The following RPTOR variants were observed in gnomAD, a reference collection of about 807,000 sequenced individuals.
RPTOR encodes the protein regulatory associated protein of MTOR complex 1.
RPTOR carries 21 observed loss-of-function variants against 169.9 expected under a neutral mutation model. That is an observed-to-expected ratio of 0.12 (90% CI 0.09 to 0.18). RPTOR has a LOEUF of 0.18. Ranked by LOEUF, RPTOR falls within the 10% of genes least tolerant of loss-of-function variation. RPTOR has a pLI of 1.00. For synonymous variants in RPTOR, 732 were observed against 753.2 expected (o/e 0.97, Z 0.46); for missense variants, 1,133 against 1,855.9 (o/e 0.61, Z 7.16).
intron 6 of RPTOR, among the ~76,000 whole-genome samples, chr17:80,785,207 C>T (rs1487215156): frequency 6.6e-6 from 1 of 152,168 alleles, no homozygotes; most frequent in Non-Finnish European, 1.5e-5. Context: ...CACCTACAGC[C>T]TCTCTGTCCC....
chr17:80,852,670 G>A (rs1365541410), intron 11 of RPTOR, among the ~76,000 whole-genome samples: 1 of 152,002 alleles, frequency 6.6e-6, no homozygotes, highest in Admixed American at 6.5e-5. Context: ...TGCCCCTCCA[G>A]CCTGGCTAGC....
chr17:80,643,860 A>G, intron 3 of RPTOR, 50 bp downstream of exon 3: 1 of 1,409,326 alleles, frequency 7.1e-7, no homozygotes, highest in Non-Finnish European at 1.0e-6. Context: ...GGGAAACTCC[A>G]GTTCCTTGGT....
At chr17:80,906,232 G>A (rs959833965) in intron 20 of RPTOR, among the ~76,000 whole-genome samples, 19 of 152,046 alleles carry the variant, frequency 1.2e-4, no homozygotes, top group Admixed American at 2.0e-4. Flanking sequence ...AAATGAGGAC[G>A]CAGCCATCGC....
Position 80,730,543 on chromosome 17 carries a change from C to G in RPTOR, c.508-17C>G. 6.2e-7 allele frequency: 1 copy of G among 1,611,686 alleles called. No individual in the cohort carries two copies. Among genetic ancestry groups the G allele is most frequent in the East Asian group, 2.2e-5 (1 of 44,782 alleles). On this transcript the variant is annotated splice_polypyrimidine_tract_variant and intron_variant, in intron 4 of 33. Coordinates refer to ENST00000306801, the MANE Select transcript of RPTOR (RefSeq NM_020761.3). The surrounding 1 kb of genome is among the most constrained non-coding windows in gnomAD (Gnocchi z 4.2). ...CTGAGACGCACATGTAACGAGCGCA[C>G]TTTGTGTGTTTTCTAGAACTACACG...
At chr17:80,763,182 G>T (rs986968679) in intron 6 of RPTOR, among the ~76,000 whole-genome samples, 1 of 152,096 alleles carries the variant, frequency 6.6e-6, no homozygotes, top group African/African-American at 2.4e-5. Flanking sequence ...GGAGTTCAAG[G>T]CTGCAGTGAG....
chr17:80,836,468 G>C lies in RPTOR; in HGVS notation c.1137-1454G>C, dbSNP rs990271125. Among the ~76,000 whole-genome samples the C allele has an allele frequency of 3.3e-5, 5 of 152,322 alleles. No individual in the cohort carries two copies. The East Asian group carries it at 9.7e-4, about 29-fold the overall frequency. ...GCTCTGCGGCCTTGGGCGCGTGGCT[G>C]TCTCTCTAGGGTGAAACAGTCTCAT... is the stretch of plus-strand genomic sequence containing the variant. On this transcript the variant is annotated intron_variant, in intron 9 of 33. Coordinates refer to ENST00000306801, the MANE Select transcript of RPTOR (RefSeq NM_020761.3).
At position 80,947,007 on chromosome 17, in the gene RPTOR, A is replaced by G. The variant is rs9913906; in HGVS notation, c.3141-220A>G. ...CTCTTTGTTTGTTTGTTTGGAGACA[A>G]GGTCTCACTTTGTTGTCCAGGCTGG... On this transcript the variant is annotated intron_variant, in intron 26 of 33. Coordinates refer to ENST00000306801, the MANE Select transcript of RPTOR (RefSeq NM_020761.3). The surrounding 1 kb of genome is among the most constrained non-coding windows in gnomAD (Gnocchi z 4.4). Among the ~76,000 whole-genome samples the G allele has an allele frequency of 0.21, 31,846 of 152,130 alleles. 4,058 individuals carry two copies. Among genetic ancestry groups the G allele is most frequent in the African/African-American group, 0.36 (14,810 of 41,464 alleles).
At chr17:80,883,280 C>A in intron 14 of RPTOR, 139 bp from the exon 15 acceptor site, 3 of 750,232 alleles carry the variant, frequency 4.0e-6, no homozygotes, top group South Asian at 1.6e-5. Context: ...CACGTAAAAT[C>A]CAGGAGTAAA....
intron 6 of RPTOR, among the ~76,000 whole-genome samples, chr17:80,779,481 C>T (rs539205307): frequency 4.6e-5 from 7 of 152,216 alleles, no homozygotes; most frequent in Non-Finnish European, 8.8e-5. Context: ...GCCGTGCCTA[C>T]GTGCACTGAC....
chr17:80,739,647 C>T (rs923532542), intron 5 of RPTOR, among the ~76,000 whole-genome samples: 13 of 151,758 alleles, frequency 8.6e-5, no homozygotes, highest in Admixed American at 3.9e-4. Context: ...ATCAGCTACA[C>T]GTCAATAAAC....
Position 80,903,482 on chromosome 17 carries a change from G to A in RPTOR, c.2402-5329G>A, listed in dbSNP as rs376277469. ...CAGGCCTCTCAGCCGCACACATTGC[G>A]GCCGGCTGCACTGCGGCATCATTGG... On this transcript the variant is annotated intron_variant, in intron 20 of 33. Transcript: ENST00000306801. Among the ~76,000 whole-genome samples the A allele has an allele frequency of 1.2e-3, 181 of 152,334 alleles. 3 individuals are homozygous for A. Among genetic ancestry groups the A allele is most frequent in the South Asian group, 4.1e-4 (2 of 4,830 alleles).
chr17:80,782,921 C>T (rs574404044), intron 6 of RPTOR, among the ~76,000 whole-genome samples: 7 of 152,160 alleles, frequency 4.6e-5, no homozygotes, highest in African/African-American at 1.7e-4. Context: ...CTGAAGTTGT[C>T]GCAAACAAGC....
intron 1 of RPTOR, among the ~76,000 whole-genome samples, chr17:80,590,788 G>A (rs1406543981): frequency 6.6e-6 from 1 of 152,104 alleles, no homozygotes; most frequent in Admixed American, 6.5e-5. Flanking sequence ...TACAGTTTTT[G>A]TTGGGTTTTA....
At chr17:80,918,471 GA>G (rs2068703779) in intron 21 of RPTOR, among the ~76,000 whole-genome samples, 5 of 103,704 alleles carry the variant, frequency 4.8e-5, no homozygotes, top group African/African-American at 1.8e-4. Flanking sequence ...ACCCTCGCCG[GA>G]GTCATAGCCA....
chr17:80,754,051 T>C lies in RPTOR; in HGVS notation c.696T>C (p.Pro232=), dbSNP rs756882105. The change falls in exon 6 of 34, where the codon CCT becomes CCC. Residue 232 remains proline, a synonymous_variant. Coordinates refer to ENST00000306801, the MANE Select transcript of RPTOR (RefSeq NM_020761.3). This position sits in a 1 kb window ranked among gnomAD's most constrained non-coding sequence, Gnocchi z 4.2. Reference sequence around the variant, plus strand: ...CAAATCACCCTCTTGCTCAGATGCCTTTGCCTCCGTCGATGAAAAACTGCA... The same window carrying C: ...CAAATCACCCTCTTGCTCAGATGCCCTTGCCTCCGTCGATGAAAAACTGCA... ...INPNHPLAQM[P]LPPSMKNCIQ... The C allele has an allele frequency of 6.2e-7, 1 of 1,614,044 alleles. No homozygotes were observed. Among genetic ancestry groups the C allele is most frequent in the African/African-American group, 1.3e-5 (1 of 74,922 alleles).
chr17:80,749,740 C>G (rs1308782084), intron 5 of RPTOR, among the ~76,000 whole-genome samples: 2 of 152,120 alleles, frequency 1.3e-5, no homozygotes, highest in Admixed American at 1.3e-4. Flanking sequence ...TTAGAGATGG[C>G]TTTGCTCTGT....
At chr17:80,807,713 A>G (rs1054773487) in intron 7 of RPTOR, among the ~76,000 whole-genome samples, 2 of 151,494 alleles carry the variant, frequency 1.3e-5, no homozygotes, top group African/African-American at 4.9e-5. Context: ...GAGTTGATTT[A>G]GCAATTTTAT....
rs1312755419 is a variant in RPTOR at position 80,957,869 on chromosome 17, C to T, written c.3477+139C>T. On this transcript the variant is annotated intron_variant, in intron 29 of 33. Transcript: ENST00000306801. The surrounding 1 kb of genome is among the most constrained non-coding windows in gnomAD (Gnocchi z 4.6). ...GAGTCAGGGCCTGGGAGGACAGTGCCGGGACAATGCTGGGAGGAGACGTGG... is the reference window on the plus strand; with the variant it reads ...GAGTCAGGGCCTGGGAGGACAGTGCTGGGACAATGCTGGGAGGAGACGTGG... The T allele has an allele frequency of 1.8e-5, 13 of 739,922 alleles. No homozygotes were observed. Among genetic ancestry groups the T allele is most frequent in the Admixed American group, 4.5e-5 (2 of 44,896 alleles). The allele number at this position is 739,922 out of a possible 1,614,324, so 45.8% of individuals were successfully genotyped here.
At position 80,754,391 on chromosome 17, in the gene RPTOR, G is replaced by C. The variant is rs1269396788; in HGVS notation, c.830+206G>C. On this transcript the variant is annotated intron_variant, in intron 6 of 33. Coordinates refer to ENST00000306801, the MANE Select transcript of RPTOR (RefSeq NM_020761.3). This position sits in a 1 kb window ranked among gnomAD's most constrained non-coding sequence, Gnocchi z 4.2. ...AGAGCTCAAGATCCTTCTTCCTTCT[G>C]ATCTGTTCGTGGGCAGCTCACTGCT... Among the ~76,000 whole-genome samples, 2 of 152,122 alleles carry C rather than the reference G, an allele frequency of 1.3e-5. No homozygotes were observed. The highest frequency in any genetic ancestry group is 2.9e-5 in the Non-Finnish European group (2 of 68,040).
Sources: allele counts gnomAD v4.1 joint callset (sites outside exome capture counted in the v4.1 genomes callset), GRCh38; gene constraint gnomAD v4.1.1; non-coding constraint Gnocchi (gnomAD v3.1); transcripts MANE v1.5; gene names NCBI Gene and HGNC (gene_info 2026-07-23, HGNC 2026-07-21).